GARNL3: variants seen among roughly 807,000 people sequenced by gnomAD.
GARNL3 encodes the protein GTPase-activating Rap/Ran-GAP domain-like protein 3.
A neutral mutation model predicts 125.0 loss-of-function variants in GARNL3; 63 were observed. The observed-to-expected ratio is 0.50, with a 90% CI of 0.41 to 0.62. GARNL3 has a LOEUF of 0.62. Ranked by LOEUF, GARNL3 falls within the 20% of genes least tolerant of loss-of-function variation. The pLI, the probability that GARNL3 is intolerant of heterozygous loss-of-function variation, is 0.00. For synonymous variants in GARNL3, 439 were observed against 457.5 expected (o/e 0.96, Z 0.52); for missense variants, 994 against 1,244.0 (o/e 0.80, Z 3.02).
At chr9:127,263,972 A>G, upstream of GARNL3, 1 of 1,529,336 alleles carries the variant, frequency 6.5e-7, no homozygotes, top group Non-Finnish European at 8.7e-7. Context: ...TAGAAAATGC[A>G]ACCTACCTTT....
intron 2 of GARNL3, among the ~76,000 whole-genome samples, chr9:127,296,464 CT>C (rs777082855): frequency 0.04 from 3,488 of 87,150 alleles, 42 homozygotes; most frequent in African/African-American, 0.08. Flanking sequence ...GTAGGCATGA[CT>C]TTTTTTTTTT....
rs7032655 is a variant in GARNL3 at position 127,391,552 on chromosome 9, A to G, written c.2870+785A>G. On this transcript the variant is annotated intron_variant, in intron 27 of 27. Coordinates refer to ENST00000373387, the MANE Select transcript of GARNL3 (RefSeq NM_032293.5). ...AAAAAAAATATATATATATATATAT[A>G]GGCTGGGTCTGGTGGCATGAGCCTG... Among the ~76,000 whole-genome samples, 198 of 128,902 alleles carry G rather than the reference A, an allele frequency of 1.5e-3. 4 individuals are homozygous for G. Among genetic ancestry groups the G allele is most frequent in the African/African-American group, 5.4e-3 (187 of 34,872 alleles). 84.6% of individuals were successfully genotyped at this position (128,902 alleles called of 152,430 possible).
intron 1 of GARNL3, 34 bp downstream of exon 1, chr9:127,265,055 T>C (rs748394170): frequency 7.4e-5 from 116 of 1,573,308 alleles, no homozygotes; most frequent in Non-Finnish European, 9.6e-5. Context: ...TGGTAGTACA[T>C]TGATTTAGAT....
At chr9:127,284,921 C>T (rs1256586270) in intron 1 of GARNL3, among the ~76,000 whole-genome samples, 2 of 152,016 alleles carry the variant, frequency 1.3e-5, no homozygotes, top group Non-Finnish European at 2.9e-5. Flanking sequence ...TCATGGCACA[C>T]TATATCACTG....
At chr9:127,381,665 C>T (rs945773699) in intron 22 of GARNL3, among the ~76,000 whole-genome samples, 18 of 152,090 alleles carry the variant, frequency 1.2e-4, no homozygotes, top group Non-Finnish European at 2.4e-4. Flanking sequence ...GGCGTGATCT[C>T]GGCTCACTGC....
chr9:127,332,670 A>T (rs1829326179), intron 8 of GARNL3, among the ~76,000 whole-genome samples: 1 of 152,182 alleles, frequency 6.6e-6, no homozygotes, highest in African/African-American at 2.4e-5. Flanking sequence ...GAGAGGAAGA[A>T]TTATAAGATG....
At chr9:127,326,235 C>G (rs1024324865) in intron 7 of GARNL3, among the ~76,000 whole-genome samples, 3 of 152,104 alleles carry the variant, frequency 2.0e-5, no homozygotes, top group Non-Finnish European at 4.4e-5. Context: ...CATTTGTGTG[C>G]TTATTATCTG....
intron 22 of GARNL3, among the ~76,000 whole-genome samples, chr9:127,382,480 T>G (rs1345177934): frequency 4.0e-5 from 6 of 151,442 alleles, no homozygotes; most frequent in African/African-American, 1.5e-4. Context: ...GGTGTGCTGG[T>G]GTGCACCTGT....
In GARNL3 at chr9:127,378,967, G is replaced by A. The variant is rs149299182; in HGVS notation, c.2162-4471G>A. 4.3e-3 allele frequency among the ~76,000 whole-genome samples: 661 copies of A among 152,202 alleles called. 4 individuals are homozygous for A. Among genetic ancestry groups the A allele is most frequent in the African/African-American group, 0.015 (624 of 41,540 alleles). ...ATTTTTTTGTATTTTTAGTGGAGATGGGGTTTCACCATGGTGGCCAGGCTG... is the reference window on the plus strand; with the variant it reads ...ATTTTTTTGTATTTTTAGTGGAGATAGGGTTTCACCATGGTGGCCAGGCTG... On this transcript the variant is annotated intron_variant, in intron 22 of 27. Coordinates refer to ENST00000373387, the MANE Select transcript of GARNL3 (RefSeq NM_032293.5).
chr9:127,361,249 C>A (rs1275799436), intron 21 of GARNL3, among the ~76,000 whole-genome samples: 1 of 151,712 alleles, frequency 6.6e-6, no homozygotes, highest in African/African-American at 2.4e-5. Context: ...GAATGAACTA[C>A]TTATTACTTT....
chr9:127,317,219 G>A (rs1441594415), intron 4 of GARNL3, among the ~76,000 whole-genome samples: 1 of 152,150 alleles, frequency 6.6e-6, no homozygotes, highest in Non-Finnish European at 1.5e-5. Flanking sequence ...CCTATAATGA[G>A]TCACAGTTGG....
At chr9:127,305,239 G>A (rs1000843310) in intron 2 of GARNL3, among the ~76,000 whole-genome samples, 1 of 152,172 alleles carries the variant, frequency 6.6e-6, no homozygotes, top group African/African-American at 2.4e-5. Context: ...AAATTATTTG[G>A]CTGTACACTT....
At chr9:127,267,412 G>T (rs563004679) in intron 1 of GARNL3, among the ~76,000 whole-genome samples, 1 of 151,648 alleles carries the variant, frequency 6.6e-6, no homozygotes, top group African/African-American at 2.4e-5. Context: ...ATTTAATTTC[G>T]CATTCTTCTT....
upstream of GARNL3, chr9:127,264,085 A>G (rs1297150330): frequency 8.1e-6 from 7 of 864,062 alleles, no homozygotes; most frequent in East Asian, 2.7e-5. Context: ...TTTATTTTCT[A>G]TGTTATCGTA....
intron 2 of GARNL3, among the ~76,000 whole-genome samples, chr9:127,302,879 T>C (rs1406136692): frequency 1.3e-5 from 2 of 152,152 alleles, no homozygotes; most frequent in Admixed American, 6.6e-5. Context: ...GGGCTGGGCA[T>C]GGTGGCTCAC....
intron 9 of GARNL3, among the ~76,000 whole-genome samples, chr9:127,334,923 C>T (rs574189886): frequency 2.7e-4 from 41 of 152,294 alleles, no homozygotes; most frequent in African/African-American, 8.9e-4. Context: ...AATTTCATCC[C>T]GTACCTCCCA....
intron 1 of GARNL3, among the ~76,000 whole-genome samples, chr9:127,271,265 T>C (rs921544789): frequency 1.3e-5 from 2 of 150,336 alleles, no homozygotes; most frequent in Non-Finnish European, 2.9e-5. Flanking sequence ...AATAAAGATA[T>C]AGATTATGAA....
intron 2 of GARNL3, among the ~76,000 whole-genome samples, chr9:127,310,773 CAAA>C (rs905120960): frequency 1.3e-4 from 10 of 74,750 alleles, no homozygotes; most frequent in Admixed American, 7.6e-4. Flanking sequence ...GACTCTGTCT[CAAA>C]AAAAAAAAAA....
chr9:127,307,040 A>AT (rs920807965), intron 2 of GARNL3, among the ~76,000 whole-genome samples: 19 of 149,674 alleles, frequency 1.3e-4, no homozygotes, highest in Admixed American at 5.3e-4. Flanking sequence ...AATATCTTTG[A>AT]TTTTTTTTTT....
Sources: allele counts gnomAD v4.1 joint callset (sites outside exome capture counted in the v4.1 genomes callset), GRCh38; gene constraint gnomAD v4.1.1; transcripts MANE v1.5; gene names NCBI Gene and HGNC (gene_info 2026-07-23, HGNC 2026-07-21).